The following EBF4 variants were observed in gnomAD, a reference collection of about 807,000 sequenced individuals.
The protein encoded by EBF4 is EBF transcription factor 4.
In EBF4, 34 loss-of-function variants were observed where a neutral mutation model predicts 67.1. The ratio of observed to expected loss-of-function variants is 0.51; its 90% CI spans 0.39 to 0.67. The LOEUF (loss-of-function observed/expected upper bound fraction) is 0.67. Ranked by LOEUF, EBF4 falls within the 30% of genes least tolerant of loss-of-function variation. EBF4 has a pLI of 0.00. For synonymous variants in EBF4, 387 were observed against 377.7 expected (o/e 1.02, Z -0.29); for missense variants, 837 against 873.3 (o/e 0.96, Z 0.52).
chr20:2,695,759 T>C (rs973509656), intron 1 of EBF4, among the ~76,000 whole-genome samples: 3 of 152,162 alleles, frequency 2.0e-5, no homozygotes, highest in Non-Finnish European at 2.9e-5. Flanking sequence ...TGAAAATTCC[T>C]CCCCCTGGCC....
At chr20:2,724,470 A>G (rs192319508) in intron 6 of EBF4, among the ~76,000 whole-genome samples, 3 of 152,134 alleles carry the variant, frequency 2.0e-5, no homozygotes, top group Admixed American at 1.3e-4. Flanking sequence ...CCTTGAAAAG[A>G]TTGGCTGGTA....
Position 2,755,874 on chromosome 20 carries a change from G to GAGCA in EBF4, c.1738+51_1738+54dup. 6.6e-7 allele frequency: 1 copy of GAGCA among 1,504,936 alleles called. No homozygotes were observed. The highest frequency in any genetic ancestry group is 8.9e-7 in the Non-Finnish European group (1 of 1,121,482). 93.2% of individuals were successfully genotyped at this position (1,504,936 alleles called of 1,614,324 possible). On this transcript the variant is annotated intron_variant, in intron 15 of 16. Transcript: ENST00000609451. This position sits in a 1 kb window ranked among gnomAD's most constrained non-coding sequence, Gnocchi z 4.7. ...GTGGCAGGAAGGAAGGGCCCTTGTG[G>GAGCA]AGCAGCTGGGCTACAGGGGCCTGCT... is the stretch of plus-strand genomic sequence containing the variant.
intron 1 of EBF4, among the ~76,000 whole-genome samples, chr20:2,702,428 A>G (rs1443401390): frequency 4.3e-5 from 4 of 93,280 alleles, no homozygotes; most frequent in African/African-American, 2.1e-4. Flanking sequence ...ATCCTGTCTC[A>G]AAAAAAAAAA....
At chr20:2,725,097 T>G (rs553326373) in intron 6 of EBF4, among the ~76,000 whole-genome samples, 1 of 152,208 alleles carries the variant, frequency 6.6e-6, no homozygotes, top group African/African-American at 2.4e-5. Flanking sequence ...ATACATCTTT[T>G]ACCACGTCTG....
At position 2,707,105 on chromosome 20, in the gene EBF4, G is replaced by A. The variant is rs1364003635; in HGVS notation, c.414+841G>A. Among the ~76,000 whole-genome samples, 1 of 152,162 alleles carries A rather than the reference G, an allele frequency of 6.6e-6. No individual in the cohort carries two copies. Among genetic ancestry groups the A allele is most frequent in the Non-Finnish European group, 1.5e-5 (1 of 68,030 alleles). On this transcript the variant is annotated intron_variant, in intron 4 of 16. Coordinates refer to ENST00000609451, the Ensembl canonical transcript of EBF4. The surrounding 1 kb of genome is among the most constrained non-coding windows in gnomAD (Gnocchi z 4.6). ...GCTGGAGATCTGGGCTTCCTACATA[G>A]GCAGGGTCTTTTGGCAGCCTCCACC...
rs1310162825 is a variant in EBF4 at position 2,747,116 on chromosome 20, A to G, written c.558-1433A>G. Among the ~76,000 whole-genome samples the G allele has an allele frequency of 6.6e-6, 1 of 152,162 alleles. No individual in the cohort carries two copies. Among genetic ancestry groups the G allele is most frequent in the Non-Finnish European group, 1.5e-5 (1 of 68,028 alleles). On this transcript the variant is annotated intron_variant, in intron 6 of 16. Transcript: ENST00000609451. The surrounding 1 kb of genome is among the most constrained non-coding windows in gnomAD (Gnocchi z 4.6). ...AGACCAGCCTGGCCAACATGGCAAA[A>G]CACCGTCTCTACTAAAACTACAAAA... is the stretch of plus-strand genomic sequence containing the variant.
intron 6 of EBF4, among the ~76,000 whole-genome samples, chr20:2,737,120 G>C (rs1042096436): frequency 2.2e-5 from 3 of 139,402 alleles, no homozygotes; most frequent in East Asian, 2.7e-4. Flanking sequence ...CGTGGTGGCG[G>C]GCGCCTGTAG....
At chr20:2,693,079 C>CCTGCCGCCG (rs965142608), upstream of EBF4, 3 of 159,282 alleles carry the variant, frequency 1.9e-5, no homozygotes, top group Non-Finnish European at 2.7e-5. The surrounding 1 kb of genome is among the most constrained non-coding windows in gnomAD (Gnocchi z 4.6). Context: ...TGCTGCTGCT[C>CCTGCCGCCG]CTGCCGCCGC....
intron 6 of EBF4, among the ~76,000 whole-genome samples, chr20:2,725,476 T>C (rs1006592669): frequency 6.6e-6 from 1 of 152,254 alleles, no homozygotes; most frequent in Non-Finnish European, 1.5e-5. Context: ...TTTTTATTTC[T>C]TTAAATGTTT....
Position 2,758,843 on chromosome 20 carries a change from A to T in EBF4, c.1739-66A>T. On this transcript the variant is annotated intron_variant, in intron 15 of 16. Transcript: ENST00000609451. ...CCTGCCTGCTGTCTCCAGCCCAGAG[A>T]GTGACAGGCAGGTGGCTTCCCAGGT... 3.6e-6 allele frequency: 5 copies of T among 1,383,406 alleles called. No individual in the cohort carries two copies. The South Asian group carries it at 6.2e-5, about 17-fold the overall frequency. 85.7% of individuals were successfully genotyped at this position (1,383,406 alleles called of 1,614,324 possible).
chr20:2,693,923 T>G lies in EBF4; in HGVS notation c.137+141T>G. 2 of 1,126,582 alleles carry G rather than the reference T, an allele frequency of 1.8e-6. No individual in the cohort carries two copies. Among genetic ancestry groups the G allele is most frequent in the Non-Finnish European group, 1.1e-6 (1 of 890,524 alleles). The allele number at this position is 1,126,582 out of a possible 1,614,324, so 69.8% of individuals were successfully genotyped here. ...CCGGCGAGCTCCCCGGCCCACCCCG[T>G]CCGGAGTGCCTGTGCTGCCTCCTGA... On this transcript the variant is annotated intron_variant, in intron 1 of 16. Transcript: ENST00000609451. This position sits in a 1 kb window ranked among gnomAD's most constrained non-coding sequence, Gnocchi z 4.6.
chr20:2,749,467 C>T, exon 8 of EBF4: 3 of 1,548,982 alleles, frequency 1.9e-6, no homozygotes, highest in Non-Finnish European at 2.6e-6. Context: ...CATGTTTGTG[C>T]ACAACAACTC....
At chr20:2,699,513 G>T (rs572043701) in intron 1 of EBF4, among the ~76,000 whole-genome samples, 1 of 152,160 alleles carries the variant, frequency 6.6e-6, no homozygotes, top group Non-Finnish European at 1.5e-5. Flanking sequence ...CCCAAATCTG[G>T]GTTCTTTAGT....
rs1479421192 is a variant in EBF4 at position 2,755,788 on chromosome 20, C to G, written c.1702C>G (p.Gln568Glu). 1.3e-6 allele frequency: 2 copies of G among 1,549,704 alleles called. No individual in the cohort carries two copies. Among genetic ancestry groups the G allele is most frequent in the Non-Finnish European group, 8.7e-7 (1 of 1,146,940 alleles). ...GCTGCGCCCCCCAAGCTCCCCACCC[C>G]AGGCCTGCCCCAGAGCCCACGGAGA... The change falls in exon 15 of 17, where the codon CAG becomes GAG. Residue 568 changes from glutamine (Q) to glutamate (E), a missense_variant. Gln to Glu is a conservative substitution (Grantham distance 29). This residue lies in a region of EBF4 where 525 missense variants were observed against 496.5 expected (regional missense o/e 1.06). Coordinates refer to ENST00000609451, the Ensembl canonical transcript of EBF4. The surrounding 1 kb of genome is among the most constrained non-coding windows in gnomAD (Gnocchi z 4.7).
chr20:2,720,183 G>A (rs189422941), intron 6 of EBF4, among the ~76,000 whole-genome samples: 196 of 152,036 alleles, frequency 1.3e-3, no homozygotes, highest in African/African-American at 4.2e-3. Context: ...TGCAACCTCC[G>A]CCTCCCAGGT....
At chr20:2,711,134 T>A (rs2087538054) in intron 6 of EBF4, among the ~76,000 whole-genome samples, 1 of 145,412 alleles carries the variant, frequency 6.9e-6, no homozygotes, top group African/African-American at 2.7e-5. Flanking sequence ...GGCAACAGAG[T>A]GAGACCCTGT....
intron 6 of EBF4, among the ~76,000 whole-genome samples, chr20:2,725,613 T>A (rs1223826743): frequency 1.3e-5 from 2 of 152,220 alleles, no homozygotes; most frequent in Admixed American, 1.3e-4. Flanking sequence ...TTTTTGTTAT[T>A]GATGTGGTGG....
chr20:2,709,516 GTCGTGGCCCCC>G (rs1270309271), intron 5 of EBF4, 47 bp from the exon 6 acceptor site: 1 of 1,497,850 alleles, frequency 6.7e-7, no homozygotes, highest in Non-Finnish European at 9.0e-7. Flanking sequence ...CTCACACACT[GTCGTGGCCCCC>G]TCCTTCCTTG....
chr20:2,752,398 G>A (rs1448957459), exon 14 of EBF4: 2 of 1,263,900 alleles, frequency 1.6e-6, no homozygotes, highest in Admixed American at 7.6e-5. Flanking sequence ...CCGCGGGTTC[G>A]CGCCCAGCCC....
Sources: gnomAD v4.1 joint callset for allele counts (sites outside exome capture counted in the v4.1 genomes callset) on GRCh38, gnomAD v4.1.1 for gene constraint, gnomAD v4.1.1 regional missense constraint, Gnocchi (gnomAD v3.1) non-coding constraint, MANE v1.5 for transcripts, NCBI Gene and HGNC (gene_info 2026-07-23, HGNC 2026-07-21) for gene names.